The following QRICH2 variants were observed in gnomAD, a reference collection of about 807,000 sequenced individuals.
QRICH2 encodes glutamine rich 2.
In QRICH2, 119 loss-of-function variants were observed where a neutral mutation model predicts 168.3. The observed-to-expected ratio is 0.71, with a 90% CI of 0.61 to 0.82. The LOEUF (loss-of-function observed/expected upper bound fraction) is 0.82, where lower values mean the gene tolerates loss of function less well. Among genes scored for constraint, QRICH2 ranks in the 40% least tolerant of loss-of-function variants. The pLI is 0.00. For synonymous variants in QRICH2, 894 were observed against 951.2 expected, an observed-to-expected ratio of 0.94 and a Z score of 1.11; for missense variants, 2,241 against 2,491.6, an observed-to-expected ratio of 0.90 and a Z score of 2.14.
rs1258396511 is a variant in QRICH2, at chr17:76,291,142, C to T, written c.3585G>A (p.Glu1195=). ...RMSSSFPTAV[E]TFHLMGELSS... is the part of the protein sequence containing the mutation. ...TGAGCTCTCCCATCAGATGAAATGTCTCCACTGCCGTGGGGAAACTAGAAC... is the reference window on the plus strand; with the variant it reads ...TGAGCTCTCCCATCAGATGAAATGTTTCCACTGCCGTGGGGAAACTAGAAC... Residue 1195 remains glutamate (E), a synonymous_variant, in exon 4 of 19, where the codon GAG becomes GAA. Transcript: ENST00000680821. 1.9e-5 allele frequency: 31 copies of T among 1,614,074 alleles called. No homozygotes were observed. Among genetic ancestry groups the T allele is most frequent in the Non-Finnish European group, 2.5e-5 (29 of 1,180,050 alleles).
At chr17:76,299,459 G>A (rs143094072) in intron 3 of QRICH2, among the ~76,000 whole-genome samples, 7,429 of 152,142 alleles carry the variant, frequency 0.049, 630 homozygotes, top group African/African-American at 0.17. Flanking sequence ...AAGAGGGGCC[G>A]GGCGCGGTGG....
At chr17:76,298,509 C>A (rs573478815) in intron 3 of QRICH2, among the ~76,000 whole-genome samples, 1 of 152,006 alleles carries the variant, frequency 6.6e-6, no homozygotes, top group Non-Finnish European at 1.5e-5. Context: ...TTTGTAGAGA[C>A]GGGGTCTTAA....
Position 76,308,124 on chromosome 17 carries a change from G to C in QRICH2, c.-126C>G. The stretch of plus-strand genomic sequence containing the variant: ...CTCGGGGCGCCCCTGCCCCGGGTCC[G>C]GCCGAGTCACTGGACAGAGCTCCTG... On this transcript the variant is annotated 5_prime_UTR_variant, in exon 1 of 19. Coordinates refer to ENST00000680821, the MANE Select transcript of QRICH2 (RefSeq NM_001388453.1). 2 of 1,215,230 alleles carry C rather than the reference G, an allele frequency of 1.6e-6. No individual in the cohort carries two copies. Among genetic ancestry groups the C allele is most frequent in the South Asian group, 4.3e-5 (1 of 23,410 alleles). 75.3% of individuals were successfully genotyped at this position (1,215,230 alleles called of 1,614,324 possible).
intron 3 of QRICH2, among the ~76,000 whole-genome samples, chr17:76,296,929 A>C (rs1425723211): frequency 6.6e-6 from 1 of 152,186 alleles, no homozygotes; most frequent in Non-Finnish European, 1.5e-5. Flanking sequence ...TTGGGGAAAG[A>C]ACCACCTGCA....
In QRICH2 at chr17:76,280,497, G is replaced by A. The variant is rs745928570; in HGVS notation, c.4462-46C>T. ...GTCCCCGCATCTGGGAGATGGCCAT[G>A]GAGGGGCCCCATTCCCTGGGGGTGT... On this transcript the variant is annotated intron_variant, in intron 10 of 18. Transcript: ENST00000680821. This position sits in a 1 kb window ranked among gnomAD's most constrained non-coding sequence, Gnocchi z 7.4. 2 of 1,606,064 alleles carry A rather than the reference G, an allele frequency of 1.2e-6. No homozygotes were observed. Among genetic ancestry groups the A allele is most frequent in the Non-Finnish European group, 1.7e-6 (2 of 1,175,692 alleles).
chr17:76,309,355 C>CAA (rs371703805), upstream of QRICH2: 33 of 108,866 alleles, frequency 3.0e-4, no homozygotes, highest in East Asian at 2.2e-3. Context: ...GACTCTGTCT[C>CAA]AAAAAAAAAA....
chr17:76,293,170 G>C lies in QRICH2; in HGVS notation c.1557C>G (p.Val519=), dbSNP rs776021603. The C allele has an allele frequency of 6.2e-7, 1 of 1,614,084 alleles. No individual in the cohort carries two copies. Among genetic ancestry groups the C allele is most frequent in the East Asian group, 2.2e-5 (1 of 44,908 alleles). The change falls in exon 4 of 19, where the codon GTC becomes GTG. Residue 519 remains valine (V), a synonymous_variant. Coordinates refer to ENST00000680821, the MANE Select transcript of QRICH2 (RefSeq NM_001388453.1). ...GTAGAACCAGGCCATGTTGATCGAC[G>C]ACAGGCAATGTCAATCCTTGCTGGT... The part of the protein sequence containing the change: ...GIDQQGLTLP[V]VDQHGLVLPF...
chr17:76,304,163 G>T (rs1414976902), intron 3 of QRICH2, among the ~76,000 whole-genome samples: 1 of 152,140 alleles, frequency 6.6e-6, no homozygotes, highest in Non-Finnish European at 1.5e-5. Flanking sequence ...GTCTACACTG[G>T]AACAGCAGCC....
chr17:76,274,674 A>C (rs1016104409), intron 18 of QRICH2, among the ~76,000 whole-genome samples: 15 of 152,128 alleles, frequency 9.9e-5, no homozygotes, highest in African/African-American at 3.4e-4. Context: ...AGTATTCCCA[A>C]GAAAACAGAG....
intron 3 of QRICH2, 107 bp from the exon 4 acceptor site, chr17:76,294,128 A>AG (rs1568121447): frequency 1.4e-6 from 2 of 1,388,822 alleles, no homozygotes; most frequent in Non-Finnish European, 9.6e-7. Flanking sequence ...GGGCCCCTGG[A>AG]GAAAAAAGCC....
chr17:76,303,941 T>G (rs1248528455), intron 3 of QRICH2, among the ~76,000 whole-genome samples: 1 of 150,952 alleles, frequency 6.6e-6, no homozygotes, highest in Non-Finnish European at 1.5e-5. Flanking sequence ...TTCCAGGGTC[T>G]GTCACCATGG....
intron 2 of QRICH2, 80 bp downstream of exon 2, chr17:76,304,802 A>G (rs2070963571): frequency 2.9e-6 from 3 of 1,043,358 alleles, no homozygotes; most frequent in Non-Finnish European, 4.5e-6. Flanking sequence ...CCCTGGATGG[A>G]CAAGCCCTGG....
chr17:76,280,006 C>A lies in QRICH2; in HGVS notation c.4748+27G>T. On this transcript the variant is annotated intron_variant, in intron 12 of 18. Transcript: ENST00000680821. The surrounding 1 kb of genome is among the most constrained non-coding windows in gnomAD (Gnocchi z 7.4). ...CCTCACCCCCTGAAGAGCGTGCCAG[C>A]CTCCTCCCCTGCCTCCCAGGCCTCA... The A allele has an allele frequency of 6.3e-7, 1 of 1,583,508 alleles. No homozygotes were observed. Among genetic ancestry groups the A allele is most frequent in the Admixed American group, 1.8e-5 (1 of 56,586 alleles).
chr17:76,274,112 G>A lies in QRICH2; in HGVS notation c.5631C>T (p.Pro1877=). 1.3e-6 allele frequency: 2 copies of A among 1,585,034 alleles called. No homozygotes were observed. The highest frequency in any genetic ancestry group is 2.3e-5 in the South Asian group (2 of 88,014). Residue 1877 remains proline (P), a synonymous_variant, in exon 19 of 19, where the codon CCC becomes CCT. Transcript: ENST00000680821. Reference sequence around the variant, plus strand: ...CGGTGCTGGACCGCGGCCCCCGCGTGGGCTCCTCGAGCCCCTCCCCAGGAG... The same window carrying A: ...CGGTGCTGGACCGCGGCCCCCGCGTAGGCTCCTCGAGCCCCTCCCCAGGAG... ...DMPPGEGLEE[P]TRGPRSSTAQ
Position 76,304,486 on chromosome 17 carries a change from C to A in QRICH2, c.634G>T (p.Glu212Ter). 6.8e-6 allele frequency: 11 copies of A among 1,613,890 alleles called. No homozygotes were observed. Among genetic ancestry groups the A allele is most frequent in the Non-Finnish European group, 9.3e-6 (11 of 1,179,994 alleles). Reference protein sequence around the residue: ...SRKLSLVPGAEEVTMVTWEEL... With the variant: ...SRKLSLVPGA ...TCCCAGGTGACCATGGTGACTTCTT[C>A]TGCACCAGGAACCAAACTCAGCTTC... The change falls in exon 3 of 19, where the codon GAA becomes TAA. Residue 212 changes from glutamate to a stop codon, truncating the protein, a stop_gained. Transcript: ENST00000680821. LOFTEE classifies it high-confidence loss of function.
chr17:76,276,074 G>T, intron 17 of QRICH2, 127 bp from the exon 18 acceptor site: 1 of 1,144,186 alleles, frequency 8.7e-7, no homozygotes. Flanking sequence ...TGGGGTCCTC[G>T]TCATTCTGAA....
rs1598479577 is a variant in QRICH2 at position 76,280,504 on chromosome 17, C to T, written c.4462-53G>A. On this transcript the variant is annotated intron_variant, in intron 10 of 18. Coordinates refer to ENST00000680821, the MANE Select transcript of QRICH2 (RefSeq NM_001388453.1). This position sits in a 1 kb window ranked among gnomAD's most constrained non-coding sequence, Gnocchi z 7.4. ...CATCTGGGAGATGGCCATGGAGGGG[C>T]CCCATTCCCTGGGGGTGTCGACCCC... The T allele has an allele frequency of 6.2e-7, 1 of 1,602,864 alleles. No individual in the cohort carries two copies. Among genetic ancestry groups the T allele is most frequent in the Non-Finnish European group, 8.5e-7 (1 of 1,173,720 alleles).
chr17:76,283,499 C>A (rs1462397480), intron 7 of QRICH2, among the ~76,000 whole-genome samples: 2 of 152,198 alleles, frequency 1.3e-5, no homozygotes, highest in Non-Finnish European at 2.9e-5. Context: ...CCCAGCTGCT[C>A]CTCAGGCAGG....
rs1351333287 is a variant in QRICH2 at position 76,280,358 on chromosome 17, C to A, written c.4555G>T (p.Ala1519Ser). The change falls in exon 11 of 19, where the codon GCC becomes TCC. Residue 1519 changes from alanine to serine, a missense_variant. Ala to Ser is a moderately conservative substitution (Grantham distance 99). Around this residue, in one of 3 missense-constraint regions of QRICH2, gnomAD observed 2,047 missense variants for 2,303.8 expected, o/e 0.89. Transcript: ENST00000680821. This position sits in a 1 kb window ranked among gnomAD's most constrained non-coding sequence, Gnocchi z 7.4. ...TCCTGCTCCTGCCCGCTCATCTTGG[C>A]CACCAGCTCCTGCATCATGTGGTTC... Reference protein sequence around the residue: ...QLNHMMQELVAKMSGQEQDWQ... With the variant: ...QLNHMMQELVSKMSGQEQDWQ... The A allele has an allele frequency of 6.2e-7, 1 of 1,614,222 alleles. No homozygotes were observed. Among genetic ancestry groups the A allele is most frequent in the East Asian group, 2.2e-5 (1 of 44,886 alleles).
Sources: allele counts gnomAD v4.1 joint callset (sites outside exome capture counted in the v4.1 genomes callset), GRCh38; gene constraint gnomAD v4.1.1; regional missense constraint gnomAD v4.1.1; non-coding constraint Gnocchi (gnomAD v3.1); transcripts MANE v1.5; gene names NCBI Gene and HGNC (gene_info 2026-07-23, HGNC 2026-07-21).